Variants in PPP2CB observed in about 807,000 individuals in gnomAD.
PPP2CB encodes serine/threonine-protein phosphatase 2A catalytic subunit beta isoform.
In PPP2CB, 18 loss-of-function variants were observed where a neutral mutation model predicts 39.1. The ratio of observed to expected loss-of-function variants is 0.46; its 90% confidence interval spans 0.32 to 0.68. PPP2CB has a LOEUF of 0.68. Among genes scored for constraint, PPP2CB ranks in the 30% least tolerant of loss-of-function variants. The pLI is 0.04. For missense variants in PPP2CB, 226 were observed against 396.9 expected (o/e 0.57, Z 3.66); for synonymous variants, 129 against 133.8 (o/e 0.96, Z 0.25).
At position 30,812,343 on chromosome 8, in the gene PPP2CB, G is replaced by C; in HGVS notation, c.79C>G (p.Gln27Glu). The C allele has an allele frequency of 6.5e-7, 1 of 1,549,512 alleles. No homozygotes were observed. Among genetic ancestry groups the C allele is most frequent in the Non-Finnish European group, 8.7e-7 (1 of 1,144,504 alleles). ...ACCTTCTCGCACAGCGTCCGCACTT[G>C]GTTCTCGTTCAGCTGCTTACACTCG... ...LNECKQLNENQVRTLCEKAKE... is the reference protein window; with the variant it reads ...LNECKQLNENEVRTLCEKAKE... The change falls in exon 1 of 7, where the codon CAA (glutamine) becomes GAA (glutamate). Residue 27 changes from glutamine (Q) to glutamate (E), a missense_variant. This residue lies in a region of PPP2CB where 59 missense variants were observed against 42.6 expected (regional missense o/e 1.38). Transcript: ENST00000221138.
At chr8:30,802,413 G>C (rs528443717) in intron 1 of PPP2CB, among the ~76,000 whole-genome samples, 3 of 152,136 alleles carry the variant, frequency 2.0e-5, no homozygotes, top group Non-Finnish European at 4.4e-5. Context: ...TTGTCTGGGA[G>C]GTAGGAGGGC....
At chr8:30,806,968 A>G (rs986948410) in intron 1 of PPP2CB, among the ~76,000 whole-genome samples, 1 of 152,244 alleles carries the variant, frequency 6.6e-6, no homozygotes, top group East Asian at 1.9e-4. Context: ...AGAGAAATGT[A>G]ACAAAGTCCA....
At chr8:30,810,543 ATAG>A (rs1272293119) in intron 1 of PPP2CB, among the ~76,000 whole-genome samples, 1 of 152,238 alleles carries the variant, frequency 6.6e-6, no homozygotes, top group Non-Finnish European at 1.5e-5. Flanking sequence ...TCTGATGCTC[ATAG>A]TCAGGTTAAC....
intron 3 of PPP2CB, among the ~76,000 whole-genome samples, chr8:30,797,018 A>ATTTTT (rs562532221): frequency 7.5e-5 from 11 of 147,212 alleles, no homozygotes; most frequent in African/African-American, 2.7e-4. Context: ...TAATTTTTAA[A>ATTTTT]TTTTTTTTTT....
chr8:30,799,935 G>A (rs1324182061), intron 1 of PPP2CB, among the ~76,000 whole-genome samples, 180 bp from the exon 2 acceptor site: 1 of 152,188 alleles, frequency 6.6e-6, no homozygotes, highest in African/African-American at 2.4e-5. Context: ...AATAAGTGTT[G>A]CAAACATGTG....
rs1057405825 is a variant in PPP2CB at position 30,786,298 on chromosome 8, A to C, written c.867T>G (p.Phe289Leu). ...GCTCACCACGACGAGGCGCTGGGTC[A>C]AATTGAAGGCTGTAAATGGCAAAAA... ...DDTLKYSFLQFDPAPRRGEPH... is the reference protein window; with the variant it reads ...DDTLKYSFLQLDPAPRRGEPH... The change falls in exon 7 of 7, where the codon TTT becomes TTG. Residue 289 changes from phenylalanine (F) to leucine (L), a missense_variant. Phe to Leu is a conservative substitution (Grantham distance 22). Around this residue, in one of 4 missense-constraint regions of PPP2CB, gnomAD observed 56 missense variants for 92.0 expected, o/e 0.61. Transcript: ENST00000221138. 6.3e-7 allele frequency: 1 copy of C among 1,576,804 alleles called. No homozygotes were observed.
intron 1 of PPP2CB, among the ~76,000 whole-genome samples, chr8:30,806,804 G>A (rs577083188): frequency 2.0e-5 from 3 of 152,216 alleles, no homozygotes; most frequent in African/African-American, 4.8e-5. Context: ...GGCAATAAAA[G>A]CAGGCAATGA....
Position 30,785,879 on chromosome 8 carries a change from C to T in PPP2CB, c.*356G>A. The T allele has an allele frequency of 2.4e-6, 1 of 417,314 alleles. No individual in the cohort carries two copies. The highest frequency in any genetic ancestry group is 1.8e-5 in the South Asian group (1 of 55,110). 25.9% of individuals were successfully genotyped at this position (417,314 alleles called of 1,614,324 possible). ...TTTTCTTAAAAATAAAACTCCAACT[C>T]TATTAATCCATGCCAGTTAAACACT... On this transcript the variant is annotated 3_prime_UTR_variant, in exon 7 of 7. Transcript: ENST00000221138.
At chr8:30,812,093 G>T (rs1334859600) in intron 1 of PPP2CB, among the ~76,000 whole-genome samples, 1 of 152,042 alleles carries the variant, frequency 6.6e-6, no homozygotes, top group Non-Finnish European at 1.5e-5. Flanking sequence ...CTGGGCAGCC[G>T]GCCGGGGGCG....
chr8:30,791,137 T>C, intron 6 of PPP2CB, 60 bp downstream of exon 6: 1 of 1,189,844 alleles, frequency 8.4e-7, no homozygotes, highest in South Asian at 1.4e-5. Context: ...AATCTTCTAT[T>C]TTTAACATTT....
intron 6 of PPP2CB, among the ~76,000 whole-genome samples, chr8:30,786,825 G>A (rs1201633969): frequency 5.0e-5 from 7 of 140,394 alleles, no homozygotes; most frequent in East Asian, 2.0e-4. Flanking sequence ...TACCATGCCC[G>A]GCTAATTTTC....
intron 3 of PPP2CB, 160 bp from the exon 4 acceptor site, chr8:30,794,441 A>ATCCCC: frequency 1.7e-6 from 1 of 587,248 alleles, no homozygotes; most frequent in East Asian, 3.0e-5. Flanking sequence ...GGTCAATGGT[A>ATCCCC]TCCCCATCCT....
chr8:30,801,939 T>C (rs1806634548), intron 1 of PPP2CB, among the ~76,000 whole-genome samples: 1 of 152,220 alleles, frequency 6.6e-6, no homozygotes, highest in Non-Finnish European at 1.5e-5. Context: ...TTCTCTCTAG[T>C]GTTCTAAATC....
At chr8:30,792,183 T>C (rs955884361) in intron 5 of PPP2CB, among the ~76,000 whole-genome samples, 19 of 150,644 alleles carry the variant, frequency 1.3e-4, no homozygotes, top group Non-Finnish European at 2.5e-4. Flanking sequence ...CAGCCCCGAG[T>C]AGTTGGGACT....
chr8:30,808,076 T>G (rs1194724627), intron 1 of PPP2CB, among the ~76,000 whole-genome samples: 1 of 152,172 alleles, frequency 6.6e-6, no homozygotes, highest in Non-Finnish European at 1.5e-5. Context: ...CTAGTACTAC[T>G]CTGGTCTTGA....
At chr8:30,802,571 C>T (rs1481726284) in intron 1 of PPP2CB, among the ~76,000 whole-genome samples, 1 of 152,096 alleles carries the variant, frequency 6.6e-6, no homozygotes, top group African/African-American at 2.4e-5. Flanking sequence ...GCCTCAAACT[C>T]CTGGGCTCAA....
At chr8:30,796,427 C>G (rs1806527954) in intron 3 of PPP2CB, among the ~76,000 whole-genome samples, 1 of 152,152 alleles carries the variant, frequency 6.6e-6, no homozygotes, top group African/African-American at 2.4e-5. Context: ...GTCACCCAAG[C>G]TGGAGTGCCG....
At chr8:30,788,473 AGGCT>A (rs1440824594) in intron 6 of PPP2CB, among the ~76,000 whole-genome samples, 4 of 152,152 alleles carry the variant, frequency 2.6e-5, no homozygotes, top group Non-Finnish European at 5.9e-5. Context: ...TATGTTGCCC[AGGCT>A]GGCCTCAAGT....
At chr8:30,803,263 C>T (rs1806656411) in intron 1 of PPP2CB, among the ~76,000 whole-genome samples, 1 of 151,856 alleles carries the variant, frequency 6.6e-6, no homozygotes, top group African/African-American at 2.4e-5. Context: ...ACAAAGGAGG[C>T]CGGGGGCAGT....
Sources: gnomAD v4.1 joint callset for allele counts (sites outside exome capture counted in the v4.1 genomes callset) on GRCh38, gnomAD v4.1.1 for gene constraint, gnomAD v4.1.1 regional missense constraint, MANE v1.5 for transcripts, NCBI Gene and HGNC (gene_info 2026-07-23, HGNC 2026-07-21) for gene names.